The following ICA1 variants were observed in gnomAD, a reference collection of about 807,000 sequenced individuals.
ICA1 encodes islet cell autoantigen 1, also known as 69 kDa islet cell autoantigen.
A neutral mutation model predicts 71.0 loss-of-function variants in ICA1; 40 were observed. The observed-to-expected ratio is 0.56, with a 90% CI of 0.44 to 0.73. The LOEUF is 0.73. Among genes scored for constraint, ICA1 ranks in the 30% least tolerant of loss-of-function variants. The probability of loss-of-function intolerance (pLI) is 0.00; values close to 1 mark genes in which losing one functional copy is unlikely to be tolerated. For missense variants in ICA1, 578 were observed against 576.5 expected, an observed-to-expected ratio of 1.00 and a Z score of -0.03; for synonymous variants, 207 against 209.5, an observed-to-expected ratio of 0.99 and a Z score of 0.10.
At chr7:8,148,195 A>AGTATCTGTATGACTTCTGTAAAG (rs1797690435) in intron 8 of ICA1, among the ~76,000 whole-genome samples, 2 of 152,176 alleles carry the variant, frequency 1.3e-5, no homozygotes, top group African/African-American at 4.8e-5. Flanking sequence ...CAAGTATATA[A>AGTATCTGTATGACTTCTGTAAAG]TCATACAGAA....
chr7:8,161,300 G>A (rs1803708788), intron 6 of ICA1, among the ~76,000 whole-genome samples: 1 of 152,066 alleles, frequency 6.6e-6, no homozygotes, highest in African/African-American at 2.4e-5. Context: ...AATAGAATGG[G>A]AAAATTAAAA....
chr7:8,134,153 T>C (rs958900977), intron 12 of ICA1, among the ~76,000 whole-genome samples: 2 of 152,166 alleles, frequency 1.3e-5, no homozygotes, highest in African/African-American at 4.8e-5. Flanking sequence ...GCAGGCACCG[T>C]GGCAGAAAGG....
rs1801264493 is a variant in ICA1, at chr7:8,234,593, T to G, written c.17+1317A>C. The stretch of plus-strand genomic sequence containing the variant: ...GTTTACAATTTTCAATTTACACATT[T>G]ATTCTTAAAAAGCCAGAAGGCATTT... On this transcript the variant is annotated intron_variant, in intron 2 of 13. Coordinates refer to ENST00000402384, the MANE Select transcript of ICA1 (RefSeq NM_001136020.3). This position sits in a 1 kb window ranked among gnomAD's most constrained non-coding sequence, Gnocchi z 4.5. Among the ~76,000 whole-genome samples the G allele has an allele frequency of 6.6e-6, 1 of 152,244 alleles. No homozygotes were observed. The highest frequency in any genetic ancestry group is 1.9e-4 in the East Asian group (1 of 5,200).
intron 6 of ICA1, among the ~76,000 whole-genome samples, chr7:8,198,930 G>T (rs1197333298): frequency 6.6e-6 from 1 of 152,132 alleles, no homozygotes; most frequent in African/African-American, 2.4e-5. Context: ...ATATAAAAGT[G>T]GGCAAAAGAT....
At chr7:8,205,214 G>A (rs1357611027) in intron 6 of ICA1, among the ~76,000 whole-genome samples, 7 of 152,108 alleles carry the variant, frequency 4.6e-5, no homozygotes, top group Admixed American at 2.0e-4. Context: ...ACAAATCCCT[G>A]CCTTTTCCTG....
chr7:8,246,249 GTGTTTCACAGTTAAAC>G (rs1319563216), intron 1 of ICA1, among the ~76,000 whole-genome samples: 3 of 152,204 alleles, frequency 2.0e-5, no homozygotes, highest in Non-Finnish European at 4.4e-5. Context: ...ATGAATGTTT[GTGTTTCACAGTTAAAC>G]TGTTTCCTCA....
intron 6 of ICA1, among the ~76,000 whole-genome samples, chr7:8,201,098 C>T (rs1356589052): frequency 1.3e-5 from 2 of 152,184 alleles, no homozygotes; most frequent in Admixed American, 6.5e-5. Flanking sequence ...TGTAATATAT[C>T]AACGTGGTTT....
intron 5 of ICA1, among the ~76,000 whole-genome samples, chr7:8,220,818 C>G (rs1796811819): frequency 6.6e-6 from 1 of 152,066 alleles, no homozygotes; most frequent in Admixed American, 6.6e-5. Context: ...GGTTATGGTC[C>G]AGGGTCTGAG....
intron 6 of ICA1, among the ~76,000 whole-genome samples, chr7:8,217,565 C>T (rs1795783726): frequency 6.6e-6 from 1 of 152,136 alleles, no homozygotes; most frequent in South Asian, 2.1e-4. Flanking sequence ...TTCTTTCACA[C>T]TCTGAAATAT....
rs939818517 is a variant in ICA1 at position 8,144,057 on chromosome 7, TA to T, written c.805-86del. 7.3e-6 allele frequency: 6 copies of T among 817,126 alleles called. No individual in the cohort carries two copies. In the East Asian group the frequency reaches 1.3e-4, roughly 18 times the overall value. 50.6% of individuals were successfully genotyped at this position (817,126 alleles called of 1,614,324 possible). A position where few individuals can be genotyped will look rare whatever the true frequency, so the allele number is the denominator to read the frequency against. On this transcript the variant is annotated intron_variant, in intron 8 of 13. Transcript: ENST00000402384. The surrounding 1 kb of genome is among the most constrained non-coding windows in gnomAD (Gnocchi z 4.5). Reference sequence around the variant, plus strand: ...AAAAAAGAAAAGAAAGGTTATCAATTAAAAAATTCAACTGCCATTTGTCCCA... The same window carrying T: ...AAAAAAGAAAAGAAAGGTTATCAATTAAAAATTCAACTGCCATTTGTCCCA...
intron 6 of ICA1, among the ~76,000 whole-genome samples, chr7:8,167,639 A>G (rs534322578): frequency 6.6e-6 from 1 of 152,190 alleles, no homozygotes; most frequent in Non-Finnish European, 1.5e-5. Flanking sequence ...AAATGTTAAA[A>G]AAAAGCATTA....
chr7:8,138,904 CAA>C, intron 11 of ICA1, 23 bp from the exon 12 acceptor site: 2 of 1,603,632 alleles, frequency 1.2e-6, no homozygotes, highest in Non-Finnish European at 1.7e-6. Flanking sequence ...GGAAAGAAAA[CAA>C]AATTATAAGT....
At chr7:8,148,639 T>C (rs945933334) in intron 8 of ICA1, among the ~76,000 whole-genome samples, 6 of 152,308 alleles carry the variant, frequency 3.9e-5, no homozygotes, top group South Asian at 2.1e-4. Flanking sequence ...AGTGAGGACA[T>C]ACTGTATTCA....
At chr7:8,137,916 T>C (rs1207010881) in intron 12 of ICA1, among the ~76,000 whole-genome samples, 3 of 152,204 alleles carry the variant, frequency 2.0e-5, no homozygotes, top group East Asian at 3.9e-4. Flanking sequence ...CTGAGTTGTC[T>C]GCCCTGGTTG....
chr7:8,140,267 C>T (rs866863279), intron 10 of ICA1, among the ~76,000 whole-genome samples: 2 of 152,174 alleles, frequency 1.3e-5, no homozygotes, highest in Admixed American at 6.5e-5. Context: ...GAGAGCTCTT[C>T]TGTGGCCAAC....
Position 8,193,315 on chromosome 7 carries a change from A to G in ICA1, c.579+24990T>C, listed in dbSNP as rs140568991. 3.0e-4 allele frequency among the ~76,000 whole-genome samples: 45 copies of G among 152,348 alleles called. No individual in the cohort carries two copies. In the East Asian group the frequency reaches 8.7e-3, roughly 29 times the overall value. The stretch of plus-strand genomic sequence containing the variant: ...TATCAGAAATCAGGAGTTTACATCC[A>G]TATCTCCAATTTGAATCCAATACCG... On this transcript the variant is annotated intron_variant, in intron 6 of 13. Transcript: ENST00000402384.
chr7:8,118,657 G>C (rs114873725), intron 13 of ICA1, among the ~76,000 whole-genome samples: 52 of 152,280 alleles, frequency 3.4e-4, no homozygotes, highest in African/African-American at 1.3e-3. Context: ...TGTGGTTTCT[G>C]TGTGTGCCAA....
chr7:8,115,395 G>A (rs191239530), intron 13 of ICA1, among the ~76,000 whole-genome samples: 3 of 152,266 alleles, frequency 2.0e-5, no homozygotes, highest in East Asian at 1.9e-4. Flanking sequence ...TACTGATTTC[G>A]CTGGATTAGC....
rs1197047758 is a variant in ICA1, at chr7:8,123,951, A to T, written c.1330+3922T>A. Among the ~76,000 whole-genome samples the T allele has an allele frequency of 6.6e-6, 1 of 152,198 alleles. No individual in the cohort carries two copies. Among genetic ancestry groups the T allele is most frequent in the Non-Finnish European group, 1.5e-5 (1 of 68,038 alleles). ...CCACTGTTCCTCAGTTTCCCAGGCAATAAAACGGATAATAGTAGCTGGCTG... is the reference window on the plus strand; with the variant it reads ...CCACTGTTCCTCAGTTTCCCAGGCATTAAAACGGATAATAGTAGCTGGCTG... On this transcript the variant is annotated intron_variant, in intron 13 of 13. Transcript: ENST00000402384. This position sits in a 1 kb window ranked among gnomAD's most constrained non-coding sequence, Gnocchi z 4.1.
Sources: allele counts gnomAD v4.1 joint callset (sites outside exome capture counted in the v4.1 genomes callset), GRCh38; gene constraint gnomAD v4.1.1; non-coding constraint Gnocchi (gnomAD v3.1); transcripts MANE v1.5; gene names NCBI Gene and HGNC (gene_info 2026-07-23, HGNC 2026-07-21).